The following ITPR2 variants were observed in gnomAD, a reference collection of about 807,000 sequenced individuals.
ITPR2 encodes the protein inositol 1,4,5-trisphosphate receptor type 2.
Under a neutral mutation model 317.1 loss-of-function variants are expected in ITPR2, and 207 were observed. The ratio of observed to expected loss-of-function variants is 0.65; its 90% confidence interval spans 0.58 to 0.73. ITPR2 has a LOEUF of 0.73. ITPR2 is among the 30% of genes least tolerant of loss of function. The pLI, the probability that ITPR2 is intolerant of heterozygous loss-of-function variation, is 0.00. For synonymous variants in ITPR2, 1,156 were observed against 1,149.1 expected, an observed-to-expected ratio of 1.01 and a Z score of -0.12; for missense variants, 2,613 against 3,284.0, an observed-to-expected ratio of 0.80 and a Z score of 4.99.
chr12:26,638,670 A>G (rs1018234904), intron 21 of ITPR2, among the ~76,000 whole-genome samples: 1 of 152,194 alleles, frequency 6.6e-6, no homozygotes, highest in Non-Finnish European at 1.5e-5. Context: ...CCTTGACTAG[A>G]TCAGTATTTT....
intron 26 of ITPR2, among the ~76,000 whole-genome samples, chr12:26,615,291 G>A (rs1163164355): frequency 6.6e-6 from 1 of 151,846 alleles, no homozygotes; most frequent in Non-Finnish European, 1.5e-5. Flanking sequence ...AACAAAGCAT[G>A]ATAAAAAATG....
chr12:26,788,277 G>A (rs1449016883), intron 2 of ITPR2, among the ~76,000 whole-genome samples: 1 of 152,108 alleles, frequency 6.6e-6, no homozygotes. Context: ...ATATTTCAGG[G>A]CTCACAAAAC....
At chr12:26,741,236 C>T (rs894540402) in intron 2 of ITPR2, among the ~76,000 whole-genome samples, 6 of 152,364 alleles carry the variant, frequency 3.9e-5, no homozygotes, top group Admixed American at 6.5e-5. Flanking sequence ...CCTTCCAGGC[C>T]TGGGAGGGCC....
chr12:26,388,915 G>A (rs1160328732), intron 54 of ITPR2, among the ~76,000 whole-genome samples: 3 of 152,030 alleles, frequency 2.0e-5, no homozygotes, highest in Admixed American at 2.0e-4. Context: ...TTTATTCGAT[G>A]GCAGCTCTGT....
chr12:26,401,668 T>A (rs576657070), intron 52 of ITPR2, among the ~76,000 whole-genome samples: 2 of 152,334 alleles, frequency 1.3e-5, no homozygotes, highest in East Asian at 3.9e-4. Flanking sequence ...GCAGCCACAA[T>A]ATGCCCGTCA....
intron 26 of ITPR2, among the ~76,000 whole-genome samples, chr12:26,619,832 G>A (rs1257017213): frequency 2.0e-5 from 3 of 152,112 alleles, no homozygotes; most frequent in Non-Finnish European, 4.4e-5. Context: ...CACTTACCAC[G>A]TGCATAGGGT....
intron 55 of ITPR2, among the ~76,000 whole-genome samples, chr12:26,365,374 T>C (rs1402470098): frequency 6.6e-6 from 1 of 152,218 alleles, no homozygotes; most frequent in Non-Finnish European, 1.5e-5. Context: ...TTTAATTACA[T>C]GACTCTTTTT....
chr12:26,640,199 A>ACC (rs950836844), intron 21 of ITPR2, among the ~76,000 whole-genome samples: 13 of 152,052 alleles, frequency 8.5e-5, no homozygotes, highest in Admixed American at 1.3e-4. Flanking sequence ...GAACAACATG[A>ACC]CCCTCTTCAG....
intron 2 of ITPR2, among the ~76,000 whole-genome samples, chr12:26,784,354 T>TCCCTCTCCCTCC (rs1950165109): frequency 3.4e-5 from 1 of 29,306 alleles, no homozygotes; most frequent in African/African-American, 6.8e-5. Flanking sequence ...CCTCTCCCTC[T>TCCCTCTCCCTCC]CCCTCTCCCT....
chr12:26,708,759 T>C (rs1948599219), intron 9 of ITPR2, among the ~76,000 whole-genome samples: 3 of 152,138 alleles, frequency 2.0e-5, no homozygotes, highest in South Asian at 4.1e-4. Context: ...AAGAGTAGAA[T>C]TGGAATGTTC....
chr12:26,584,020 T>C (rs1234337482), intron 32 of ITPR2, among the ~76,000 whole-genome samples: 1 of 152,186 alleles, frequency 6.6e-6, no homozygotes, highest in East Asian at 1.9e-4. Flanking sequence ...GTTAGAACAA[T>C]GAATCAAACA....
chr12:26,821,444 C>T (rs1033530209), intron 1 of ITPR2, among the ~76,000 whole-genome samples: 3 of 152,206 alleles, frequency 2.0e-5, no homozygotes, highest in Non-Finnish European at 4.4e-5. Context: ...CCATTCAAGT[C>T]ATGTAAATGA....
chr12:26,631,964 C>T lies in ITPR2; in HGVS notation c.2836G>A (p.Val946Met), dbSNP rs1252982217. 1.9e-6 allele frequency: 3 copies of T among 1,613,724 alleles called. No homozygotes were observed. Among genetic ancestry groups the T allele is most frequent in the African/African-American group, 2.7e-5 (2 of 74,884 alleles). The change falls in exon 22 of 57, where the codon GTG becomes ATG. Residue 946 changes from valine to methionine, a missense_variant. Physicochemically the swap from Val to Met is conservative, Grantham distance 21. Transcript: ENST00000381340. ...TTGCTCGGGTGGATGCTGGGTGGCA[C>T]ATCCGGCACGCTCATGGGGAAGATG... ...GSIFPMSVPD[V>M]PPSIHPSKQG... is the part of the protein sequence containing the mutation.
rs147571605 is a variant in ITPR2 at position 26,363,297 on chromosome 12, A to T, written c.7858-22969T>A. Among the ~76,000 whole-genome samples, 777 of 152,272 alleles carry T rather than the reference A, an allele frequency of 5.1e-3. 7 individuals are homozygous for T. Among genetic ancestry groups the T allele is most frequent in the African/African-American group, 0.018 (729 of 41,536 alleles). The stretch of plus-strand genomic sequence containing the variant: ...CTGTCTCCCATCACCCCCAGATGGG[A>T]CTGTCTAGTTGCAGGAAAATAAGCA... On this transcript the variant is annotated intron_variant, in intron 55 of 56. Coordinates refer to ENST00000381340, the MANE Select transcript of ITPR2 (RefSeq NM_002223.4).
chr12:26,637,046 T>C (rs1461971865), intron 21 of ITPR2, among the ~76,000 whole-genome samples: 1 of 152,230 alleles, frequency 6.6e-6, no homozygotes, highest in East Asian at 1.9e-4. Flanking sequence ...CCATTAATCA[T>C]ATGATAAATT....
In ITPR2 at chr12:26,681,906, T is replaced by C. The variant is rs780010406; in HGVS notation, c.1377A>G (p.Leu459=). Reference sequence around the variant, plus strand: ...CATTCTGAGTTATTGTGCCGTTTTCTAGCTTTTTAACTGTGGTCGCTAGTA... The same window carrying C: ...CATTCTGAGTTATTGTGCCGTTTTCCAGCTTTTTAACTGTGGTCGCTAGTA... ...NKVLATTVKK[L]ENGTITQNER... is the part of the protein sequence containing the mutation. The change falls in exon 13 of 57, where the codon CTA becomes CTG. Residue 459 remains leucine, a synonymous_variant. Coordinates refer to ENST00000381340, the MANE Select transcript of ITPR2 (RefSeq NM_002223.4). 5 of 1,613,126 alleles carry C rather than the reference T, an allele frequency of 3.1e-6. 1 individual carries two copies. The highest frequency in any genetic ancestry group is 4.2e-6 in the Non-Finnish European group (5 of 1,179,248).
At chr12:26,778,956 T>C (rs1391012068) in intron 2 of ITPR2, among the ~76,000 whole-genome samples, 2 of 152,148 alleles carry the variant, frequency 1.3e-5, no homozygotes, top group East Asian at 3.9e-4. Flanking sequence ...GTGGGCCTAT[T>C]TGGATTTTGG....
chr12:26,498,950 C>T (rs994221470), intron 37 of ITPR2, among the ~76,000 whole-genome samples: 24 of 152,282 alleles, frequency 1.6e-4, no homozygotes, highest in African/African-American at 5.3e-4. Flanking sequence ...AACCCTCTCA[C>T]CTTGGCCTCC....
At chr12:26,414,259 T>G (rs1409278023) in intron 51 of ITPR2, among the ~76,000 whole-genome samples, 2 of 152,164 alleles carry the variant, frequency 1.3e-5, no homozygotes, top group Admixed American at 1.3e-4. Flanking sequence ...TCCACATATA[T>G]GATGTTTCCA....
Sources: gnomAD v4.1 joint callset for allele counts (sites outside exome capture counted in the v4.1 genomes callset) on GRCh38, gnomAD v4.1.1 for gene constraint, MANE v1.5 for transcripts, NCBI Gene and HGNC (gene_info 2026-07-23, HGNC 2026-07-21) for gene names.